Variants in NTN4 observed in about 807,000 individuals in gnomAD.
The protein encoded by NTN4 is netrin-4.
In NTN4, 32 loss-of-function variants were observed where a neutral mutation model predicts 73.6. That is an observed-to-expected ratio of 0.44 (90% CI 0.33 to 0.58). NTN4 has a LOEUF of 0.58. Ranked by LOEUF, NTN4 falls within the 20% of genes least tolerant of loss-of-function variation. The pLI is 0.04. For synonymous variants in NTN4, 258 were observed against 287.5 expected, an observed-to-expected ratio of 0.90 and a Z score of 1.04; for missense variants, 654 against 798.3, an observed-to-expected ratio of 0.82 and a Z score of 2.18.
At chr12:95,745,928 T>C (rs1458882676) in intron 2 of NTN4, among the ~76,000 whole-genome samples, 2 of 152,212 alleles carry the variant, frequency 1.3e-5, no homozygotes, top group East Asian at 3.8e-4. Context: ...ATTACAAGGT[T>C]TTCCACACTG....
At chr12:95,755,574 C>T (rs1043557423) in intron 2 of NTN4, among the ~76,000 whole-genome samples, 5 of 152,106 alleles carry the variant, frequency 3.3e-5, no homozygotes, top group East Asian at 1.9e-4. Context: ...CTGGAGCATT[C>T]GGCACCCTGT....
intron 8 of NTN4, among the ~76,000 whole-genome samples, chr12:95,669,492 T>C (rs2078210330): frequency 6.6e-6 from 1 of 152,092 alleles, no homozygotes; most frequent in Non-Finnish European, 1.5e-5. Flanking sequence ...GAGCATCAAA[T>C]ATGTGCTAGA....
At chr12:95,704,068 T>TCAGC (rs78100135) in intron 5 of NTN4, among the ~76,000 whole-genome samples, 17,616 of 151,960 alleles carry the variant, frequency 0.12, 1,552 homozygotes, top group East Asian at 0.56. Context: ...AGCTGGGATG[T>TCAGC]CAGCTGTGTG....
rs1473091969 is a variant in NTN4 at position 95,672,764 on chromosome 12, A to G, written c.1511-2618T>C. On this transcript the variant is annotated intron_variant, in intron 7 of 9. Coordinates refer to ENST00000343702, the MANE Select transcript of NTN4 (RefSeq NM_021229.4). ...ACAGATGATCAGCTATCCTCCTGTG[A>G]GAGTCTGAAGGACACTATTGCCAGC... The G allele has an allele frequency of 1.8e-5, 24 of 1,334,956 alleles. No individual in the cohort carries two copies. In the Admixed American group the frequency reaches 3.9e-4, roughly 22 times the overall value. 82.7% of individuals were successfully genotyped at this position (1,334,956 alleles called of 1,614,324 possible).
In NTN4 at chr12:95,662,450, C is replaced by A. The variant is rs151176856; in HGVS notation, c.1751-3228G>T. ...TTCACCATGTTGCCCAGGCTGCCCTCGAACTCCTAGGCTCAAGCAATCCAC... is the reference window on the plus strand; with the variant it reads ...TTCACCATGTTGCCCAGGCTGCCCTAGAACTCCTAGGCTCAAGCAATCCAC... On this transcript the variant is annotated intron_variant, in intron 9 of 9. Coordinates refer to ENST00000343702, the MANE Select transcript of NTN4 (RefSeq NM_021229.4). Among the ~76,000 whole-genome samples, 677 of 152,032 alleles carry A rather than the reference C, an allele frequency of 4.5e-3. 5 individuals carry two copies. Among genetic ancestry groups the A allele is most frequent in the African/African-American group, 0.016 (649 of 41,462 alleles).
At chr12:95,755,152 T>A (rs1262076080) in intron 2 of NTN4, among the ~76,000 whole-genome samples, 2 of 152,256 alleles carry the variant, frequency 1.3e-5, no homozygotes, top group Non-Finnish European at 1.5e-5. Context: ...GTTTTTGTAT[T>A]GTCACCTCAC....
At position 95,790,586 on chromosome 12, in the gene NTN4, TGCCCCGCGGAGCG is replaced by T. The variant is rs1230473357; in HGVS notation, c.-290_-278del. The T allele has an allele frequency of 3.8e-6, 1 of 264,672 alleles. No individual in the cohort carries two copies. Among genetic ancestry groups the T allele is most frequent in the Non-Finnish European group, 7.1e-6 (1 of 141,418 alleles). The allele number at this position is 264,672 out of a possible 1,614,324, so 16.4% of individuals were successfully genotyped here. A position where few individuals can be genotyped will look rare whatever the true frequency, so the allele number is the denominator to read the frequency against. The stretch of plus-strand genomic sequence containing the variant: ...GGGACCATAGCCGGCCTGGCTGCGC[TGCCCCGCGGAGCG>T]GCCCTGCGGGCTCGTCTGCCGCTAG... On this transcript the variant is annotated 5_prime_UTR_variant, in exon 1 of 10. Transcript: ENST00000343702. The surrounding 1 kb of genome is among the most constrained non-coding windows in gnomAD (Gnocchi z 6.5).
At chr12:95,714,831 C>T (rs780016841) in intron 3 of NTN4, among the ~76,000 whole-genome samples, 8 of 152,110 alleles carry the variant, frequency 5.3e-5, no homozygotes, top group Non-Finnish European at 7.4e-5. Context: ...AAGTTTATTT[C>T]AATGCATCTA....
At chr12:95,764,239 G>C (rs965803776) in intron 2 of NTN4, among the ~76,000 whole-genome samples, 1 of 152,206 alleles carries the variant, frequency 6.6e-6, no homozygotes, top group Non-Finnish European at 1.5e-5. Context: ...AACTGAGCAG[G>C]AGATTAAAAT....
chr12:95,756,673 C>T (rs2078949431), intron 2 of NTN4, among the ~76,000 whole-genome samples: 1 of 152,158 alleles, frequency 6.6e-6, no homozygotes, highest in South Asian at 2.1e-4. Context: ...GCCTGCTTGA[C>T]CTCTGGTGGA....
At chr12:95,694,663 GA>G (rs547186468) in intron 5 of NTN4, among the ~76,000 whole-genome samples, 161 of 152,058 alleles carry the variant, frequency 1.1e-3, no homozygotes, top group Non-Finnish European at 1.9e-3. Flanking sequence ...GCTAGTGGAT[GA>G]AAAGCTATAA....
intron 5 of NTN4, among the ~76,000 whole-genome samples, chr12:95,696,267 A>G (rs1297503096): frequency 6.6e-6 from 1 of 151,928 alleles, no homozygotes; most frequent in Admixed American, 6.6e-5. Context: ...ACTTGGGTAA[A>G]TTTATTTAGA....
chr12:95,691,613 T>C (rs1178406862), intron 5 of NTN4, among the ~76,000 whole-genome samples: 1 of 152,198 alleles, frequency 6.6e-6, no homozygotes, highest in Non-Finnish European at 1.5e-5. Context: ...CAGGCTGGTC[T>C]TGACCTCCTG....
intron 5 of NTN4, among the ~76,000 whole-genome samples, chr12:95,700,689 A>G (rs2078477686): frequency 6.6e-6 from 1 of 152,178 alleles, no homozygotes; most frequent in African/African-American, 2.4e-5. Flanking sequence ...GGTGTGAATC[A>G]GGTCAGGGTT....
chr12:95,730,989 C>T (rs2078732896), intron 3 of NTN4, among the ~76,000 whole-genome samples: 1 of 152,166 alleles, frequency 6.6e-6, no homozygotes, highest in Non-Finnish European at 1.5e-5. Context: ...TCCAGAAATT[C>T]CTCTTCCTAA....
intron 2 of NTN4, among the ~76,000 whole-genome samples, chr12:95,759,976 G>T (rs11108238): frequency 0.22 from 33,826 of 151,914 alleles, 4,417 homozygotes; most frequent in Non-Finnish European, 0.3. Flanking sequence ...TTTTCTTTTG[G>T]TTAGGAGTCA....
chr12:95,682,645 C>G (rs2078327024), intron 7 of NTN4, 62 bp downstream of exon 7: 7 of 1,126,632 alleles, frequency 6.2e-6, no homozygotes, highest in Non-Finnish European at 8.0e-6. Flanking sequence ...CCTGGTTTGT[C>G]ACGTATCACT....
At chr12:95,735,978 A>G (rs2078775011) in intron 3 of NTN4, among the ~76,000 whole-genome samples, 1 of 150,094 alleles carries the variant, frequency 6.7e-6, no homozygotes, top group Non-Finnish European at 1.5e-5. Context: ...TTGCTTTGTC[A>G]CTCAGGCTAG....
At chr12:95,765,534 C>T (rs576575842) in intron 2 of NTN4, among the ~76,000 whole-genome samples, 2 of 152,290 alleles carry the variant, frequency 1.3e-5, no homozygotes, top group East Asian at 3.9e-4. Flanking sequence ...CCCTAACTTA[C>T]GACTGGGTTG....
Sources: allele counts gnomAD v4.1 joint callset (sites outside exome capture counted in the v4.1 genomes callset), GRCh38; gene constraint gnomAD v4.1.1; non-coding constraint Gnocchi (gnomAD v3.1); transcripts MANE v1.5; gene names NCBI Gene and HGNC (gene_info 2026-07-23, HGNC 2026-07-21).